Variants in AFF1 observed in about 807,000 individuals in gnomAD.
AFF1 encodes the protein ALF transcription elongation factor 1.
A neutral mutation model predicts 121.7 loss-of-function variants in AFF1; 48 were observed. The observed-to-expected ratio is 0.39, with a 90% CI of 0.31 to 0.50. The LOEUF is 0.50. AFF1 is among the 20% of genes least tolerant of loss of function. The pLI is 0.76. For synonymous variants in AFF1, 613 were observed against 563.0 expected (o/e 1.09, Z -1.26); for missense variants, 1,523 against 1,511.7 (o/e 1.01, Z -0.12).
intron 1 of AFF1, among the ~76,000 whole-genome samples, chr4:86,945,259 T>G (rs2149445957): frequency 6.6e-6 from 1 of 152,184 alleles, no homozygotes; most frequent in African/African-American, 2.4e-5. Flanking sequence ...TGCTTTCTGC[T>G]GTACAGCACT....
chr4:86,984,431 A>T (rs1023024799), intron 2 of AFF1, among the ~76,000 whole-genome samples: 1 of 151,374 alleles, frequency 6.6e-6, no homozygotes, highest in Non-Finnish European at 1.5e-5. Context: ...GATTCAAGCA[A>T]TTCTGCTTCA....
chr4:87,122,248 C>T (rs989531095), intron 12 of AFF1, among the ~76,000 whole-genome samples: 3 of 152,292 alleles, frequency 2.0e-5, no homozygotes, highest in Middle Eastern at 3.4e-3. Flanking sequence ...TTCACTGGGC[C>T]GTTTGGTAAC....
intron 2 of AFF1, chr4:87,006,895 C>T (rs1228311024): frequency 4.3e-6 from 4 of 938,432 alleles, no homozygotes; most frequent in Non-Finnish European, 3.9e-6. Flanking sequence ...GGCCGCCGAG[C>T]GCCCTGCCCA....
At chr4:87,097,061 T>C (rs993862233) in intron 8 of AFF1, among the ~76,000 whole-genome samples, 3 of 152,222 alleles carry the variant, frequency 2.0e-5, no homozygotes, top group South Asian at 2.1e-4. Flanking sequence ...AAGAATTCTG[T>C]AGAAGCTCTG....
At chr4:86,994,086 CT>C (rs1272307824) in intron 2 of AFF1, among the ~76,000 whole-genome samples, 1 of 152,250 alleles carries the variant, frequency 6.6e-6, no homozygotes, top group Non-Finnish European at 1.5e-5. Flanking sequence ...TGCAGCCTTA[CT>C]TTAAGTAACA....
At chr4:87,040,577 TTTAA>T (rs1245572645) in intron 2 of AFF1, among the ~76,000 whole-genome samples, 1 of 151,802 alleles carries the variant, frequency 6.6e-6, no homozygotes, top group Non-Finnish European at 1.5e-5. Context: ...TTTTTTTTTT[TTTAA>T]TTGAGACAGA....
chr4:87,026,970 G>A (rs1666364029), intron 2 of AFF1, among the ~76,000 whole-genome samples: 1 of 152,202 alleles, frequency 6.6e-6, no homozygotes, highest in African/African-American at 2.4e-5. Context: ...AGAAGGAAAT[G>A]TGATTCCGGT....
At chr4:87,074,716 G>T (rs529655434) in intron 4 of AFF1, among the ~76,000 whole-genome samples, 1 of 152,252 alleles carries the variant, frequency 6.6e-6, no homozygotes, top group East Asian at 1.9e-4. Context: ...CCTTTTATAT[G>T]TACTGTTTCA....
intron 1 of AFF1, among the ~76,000 whole-genome samples, chr4:86,941,834 G>A (rs931771157): frequency 1.3e-5 from 2 of 148,710 alleles, no homozygotes; most frequent in African/African-American, 2.5e-5. Flanking sequence ...ACCCTGTCTC[G>A]AAAAAGATAA....
intron 4 of AFF1, among the ~76,000 whole-genome samples, chr4:87,069,103 G>A (rs1560594660): frequency 6.6e-6 from 1 of 151,976 alleles, no homozygotes. Flanking sequence ...CTGTGTTAGG[G>A]GCTAACATGG....
chr4:87,052,285 TA>T (rs982414816), intron 4 of AFF1, among the ~76,000 whole-genome samples: 3 of 152,030 alleles, frequency 2.0e-5, no homozygotes, highest in African/African-American at 7.2e-5. Context: ...GGGAAAAAAT[TA>T]AAAGTAGTTC....
chr4:87,029,006 A>G (rs1315849404), intron 2 of AFF1, among the ~76,000 whole-genome samples: 3 of 152,136 alleles, frequency 2.0e-5, no homozygotes, highest in Admixed American at 2.0e-4. Context: ...AATGAGAGAA[A>G]TCTGGGGGTG....
chr4:87,105,706 A>G, intron 9 of AFF1, 24 bp downstream of exon 9: 2 of 1,614,102 alleles, frequency 1.2e-6, no homozygotes, highest in Non-Finnish European at 1.7e-6. Flanking sequence ...AGCCTGTAAT[A>G]CCAGGAGTCC....
In AFF1 at chr4:86,987,946, CAAA is replaced by C. The variant is rs70953634; in HGVS notation, c.38+39390_38+39392del. On this transcript the variant is annotated intron_variant, in intron 2 of 20. Coordinates refer to ENST00000395146, the MANE Select transcript of AFF1 (RefSeq NM_001166693.3). ...TCAGCTTGGGGGACAGAGTGAGACT[CAAA>C]AAAAAAAAAAAAAATTATCCAATTT... Among the ~76,000 whole-genome samples the C allele has an allele frequency of 8.0e-3, 1,079 of 134,768 alleles. 11 individuals carry two copies. Among genetic ancestry groups the C allele is most frequent in the African/African-American group, 0.016 (573 of 35,580 alleles). The allele number at this position is 134,768 out of a possible 152,430, so 88.4% of individuals were successfully genotyped here.
chr4:87,047,744 C>T (rs779865927), intron 4 of AFF1, 150 bp downstream of exon 4: 16 of 1,014,942 alleles, frequency 1.6e-5, no homozygotes, highest in East Asian at 4.7e-5. Context: ...GTTAATAACC[C>T]GCGAAAAACT....
At chr4:87,041,935 A>T (rs753403378) in intron 2 of AFF1, among the ~76,000 whole-genome samples, 4 of 151,886 alleles carry the variant, frequency 2.6e-5, no homozygotes, top group African/African-American at 7.3e-5. Context: ...GAATCACTTG[A>T]ACCCAGGAGG....
At chr4:87,056,945 T>C (rs1026309017) in intron 4 of AFF1, among the ~76,000 whole-genome samples, 3 of 152,340 alleles carry the variant, frequency 2.0e-5, no homozygotes, top group African/African-American at 7.2e-5. Flanking sequence ...GATTTAGAGG[T>C]ACAGAGAGAT....
At chr4:87,127,779 C>T in intron 16 of AFF1, 76 bp downstream of exon 16, 2 of 1,427,636 alleles carry the variant, frequency 1.4e-6, no homozygotes, top group Non-Finnish European at 2.0e-6. Context: ...CTCCATTCTG[C>T]TGTATTCCAT....
chr4:86,949,787 A>C (rs1721164818), intron 2 of AFF1: 11 of 1,613,646 alleles, frequency 6.8e-6, no homozygotes, highest in African/African-American at 1.3e-5. Flanking sequence ...CAGGGAGAAC[A>C]GGGCCACTGG....
Sources: gnomAD v4.1 joint callset for allele counts (sites outside exome capture counted in the v4.1 genomes callset) on GRCh38, gnomAD v4.1.1 for gene constraint, MANE v1.5 for transcripts, NCBI Gene and HGNC (gene_info 2026-07-23, HGNC 2026-07-21) for gene names.